The following ZNF469 variants were observed in gnomAD, a reference collection of about 807,000 sequenced individuals.
The protein encoded by ZNF469 is zinc finger protein 469.
A neutral mutation model predicts 1.0 loss-of-function variants in ZNF469; 1 was observed. That is an observed-to-expected ratio of 1.00 (90% confidence interval 0.35 to 4.73). The LOEUF (loss-of-function observed/expected upper bound fraction) is 4.73. Among genes scored for constraint, ZNF469 ranks in the 30% most tolerant of loss-of-function variants. The pLI is 0.16. For synonymous variants in ZNF469, 2,703 were observed against 2,363.4 expected (o/e 1.14, Z -4.17); for missense variants, 6,100 against 5,356.3 (o/e 1.14, Z -4.33).
At chr16:88,224,749 G>C in the ZNF469 span, among the ~76,000 whole-genome samples, 1 of 151,216 alleles carries the variant, frequency 6.6e-6, no homozygotes, top group South Asian at 2.1e-4. Flanking sequence ...ACATATGTAA[G>C]TGTGCACGTG....
chr16:88,195,516 G>T, the ZNF469 span, among the ~76,000 whole-genome samples: 1 of 152,218 alleles, frequency 6.6e-6, no homozygotes, highest in Non-Finnish European at 1.5e-5. Flanking sequence ...TTTAGCTGGG[G>T]CTGTCGGCTG....
Position 88,436,647 on chromosome 16 carries a change from C to T in ZNF469, c.9177C>T (p.Cys3059=). 1 of 1,550,440 alleles carries T rather than the reference C, an allele frequency of 6.4e-7. No homozygotes were observed. Among genetic ancestry groups the T allele is most frequent in the East Asian group, 2.4e-5 (1 of 40,926 alleles). Residue 3059 remains cysteine (C), a synonymous_variant, in exon 3 of 3, where the codon TGC becomes TGT. Transcript: ENST00000565624. ...LSTKFEMQDL[C]FLGPFEDPVG... ...CCAAGTTTGAGATGCAAGACCTGTGCTTTCTGGGACCCTTTGAAGACCCCG... is the reference window on the plus strand; with the variant it reads ...CCAAGTTTGAGATGCAAGACCTGTGTTTTCTGGGACCCTTTGAAGACCCCG...
chr16:88,399,339 A>T (rs1051366989), intron 1 of ZNF469, among the ~76,000 whole-genome samples: 67 of 152,220 alleles, frequency 4.4e-4, no homozygotes, highest in African/African-American at 1.6e-3. Context: ...ACAAGGATAC[A>T]CTCCATGTCT....
intron 1 of ZNF469, among the ~76,000 whole-genome samples, chr16:88,396,224 T>C (rs929460900): frequency 2.6e-5 from 4 of 152,274 alleles, no homozygotes; most frequent in Non-Finnish European, 5.9e-5. Context: ...CATGGAATGA[T>C]GGACTTAAGG....
chr16:88,132,236 C>T, the ZNF469 span, among the ~76,000 whole-genome samples: 11 of 152,254 alleles, frequency 7.2e-5, no homozygotes, highest in African/African-American at 2.7e-4. Flanking sequence ...CGGCCTCCGA[C>T]GCCCGCCTTC....
chr16:88,115,182 C>T, the ZNF469 span, among the ~76,000 whole-genome samples: 1 of 152,186 alleles, frequency 6.6e-6, no homozygotes, highest in Admixed American at 6.5e-5. Context: ...TAAACTAAAC[C>T]TTAGTGCACA....
At chr16:88,387,670 A>G (rs1904374080) in intron 1 of ZNF469, among the ~76,000 whole-genome samples, 1 of 152,088 alleles carries the variant, frequency 6.6e-6, no homozygotes, top group Non-Finnish European at 1.5e-5. Context: ...AATTCCAAAT[A>G]TAAGCTGTTT....
the ZNF469 span, among the ~76,000 whole-genome samples, chr16:88,318,163 C>T: frequency 6.6e-6 from 1 of 152,238 alleles, no homozygotes; most frequent in Non-Finnish European, 1.5e-5. Flanking sequence ...CAGCCCTTCT[C>T]TCCCAGATCT....
At chr16:88,123,662 C>G in the ZNF469 span, among the ~76,000 whole-genome samples, 1 of 151,910 alleles carries the variant, frequency 6.6e-6, no homozygotes, top group African/African-American at 2.4e-5. Flanking sequence ...GTCGTCCCCC[C>G]CAGTAGATGT....
In ZNF469 at chr16:88,430,469, A is replaced by C; in HGVS notation, c.2999A>C (p.Gln1000Pro). ...CCCCGTCCCCGGCGCCCTAGAACGCAGGCCCCCGGGAGCCGCGCAGACCCC... is the reference window on the plus strand; with the variant it reads ...CCCCGTCCCCGGCGCCCTAGAACGCCGGCCCCCGGGAGCCGCGCAGACCCC... ...PPPRPRRPRT[Q>P]APGSRADPAP... is the part of the protein sequence containing the mutation. Residue 1000 changes from glutamine to proline, a missense_variant, in exon 3 of 3, where the codon CAG becomes CCG. By Grantham distance (76) the Gln-to-Pro change is moderately conservative. Transcript: ENST00000565624. The C allele has an allele frequency of 6.8e-7, 1 of 1,461,950 alleles. No individual in the cohort carries two copies. Among genetic ancestry groups the C allele is most frequent in the Non-Finnish European group, 9.0e-7 (1 of 1,115,252 alleles). 90.6% of individuals were successfully genotyped at this position (1,461,950 alleles called of 1,614,324 possible). A position where few individuals can be genotyped will look rare whatever the true frequency, so the allele number is the denominator to read the frequency against.
At chr16:88,404,990 G>A (rs1434870438) in intron 1 of ZNF469, among the ~76,000 whole-genome samples, 3 of 152,212 alleles carry the variant, frequency 2.0e-5, no homozygotes, top group Non-Finnish European at 4.4e-5. Context: ...CTGGATCCAG[G>A]TATTCAAACA....
At chr16:88,294,464 A>G in the ZNF469 span, among the ~76,000 whole-genome samples, 1 of 152,198 alleles carries the variant, frequency 6.6e-6, no homozygotes, top group Non-Finnish European at 1.5e-5. Context: ...TCCACATGGC[A>G]CTTTGCTGGG....
At chr16:88,409,883 GGC>G (rs1264389670) in intron 1 of ZNF469, among the ~76,000 whole-genome samples, 1 of 145,658 alleles carries the variant, frequency 6.9e-6, no homozygotes, top group African/African-American at 2.7e-5. Flanking sequence ...GGGGGGGGGG[GGC>G]GCGGGGCGTT....
At chr16:88,257,315 G>A in the ZNF469 span, among the ~76,000 whole-genome samples, 5 of 145,096 alleles carry the variant, frequency 3.4e-5, no homozygotes, top group Admixed American at 7.0e-5. Flanking sequence ...TCTTTGGTGA[G>A]GCGTCATTTA....
the ZNF469 span, among the ~76,000 whole-genome samples, chr16:88,253,367 G>GT: frequency 1.3e-5 from 2 of 152,030 alleles, no homozygotes; most frequent in African/African-American, 2.4e-5. Context: ...GGCTTGTCTT[G>GT]TTTTTTCCTT....
chr16:88,286,263 C>A, the ZNF469 span, among the ~76,000 whole-genome samples: 1 of 152,268 alleles, frequency 6.6e-6, no homozygotes, highest in Non-Finnish European at 1.5e-5. Context: ...ATTCAGGCTC[C>A]TGGGCCTCAG....
At chr16:88,391,206 A>G (rs776680151) in intron 1 of ZNF469, among the ~76,000 whole-genome samples, 1 of 152,236 alleles carries the variant, frequency 6.6e-6, no homozygotes, top group Non-Finnish European at 1.5e-5. Flanking sequence ...AGAGCACCTC[A>G]ATGGTGCTGA....
the ZNF469 span, among the ~76,000 whole-genome samples, chr16:88,374,993 G>T: frequency 6.6e-6 from 1 of 152,256 alleles, no homozygotes; most frequent in Non-Finnish European, 1.5e-5. Flanking sequence ...GGCCCCAGCT[G>T]CATTTGCAGA....
chr16:88,288,975 T>C, the ZNF469 span, among the ~76,000 whole-genome samples: 2 of 152,128 alleles, frequency 1.3e-5, no homozygotes, highest in African/African-American at 4.8e-5. Flanking sequence ...TCTACAGTTA[T>C]AGTACAGTGG....
Sources: allele counts gnomAD v4.1 joint callset (sites outside exome capture counted in the v4.1 genomes callset), GRCh38; gene constraint gnomAD v4.1.1; transcripts MANE v1.5; gene names NCBI Gene and HGNC (gene_info 2026-07-23, HGNC 2026-07-21).